Variants in NRG1 observed in about 807,000 individuals in gnomAD.
NRG1 encodes the protein pro-neuregulin-1, membrane-bound isoform.
In NRG1, 18 loss-of-function variants were observed where a neutral mutation model predicts 63.8. The ratio of observed to expected loss-of-function variants is 0.28; its 90% CI spans 0.19 to 0.42. The LOEUF is 0.42. Among genes scored for constraint, NRG1 ranks in the 10% least tolerant of loss-of-function variants. NRG1 has a pLI of 1.00. For synonymous variants in NRG1, 302 were observed against 301.3 expected (o/e 1.00, Z -0.02); for missense variants, 762 against 814.7 (o/e 0.94, Z 0.79).
At chr8:32,343,392 C>A (rs1804325809) in intron 1 of NRG1, among the ~76,000 whole-genome samples, 2 of 152,166 alleles carry the variant, frequency 1.3e-5, no homozygotes, top group Non-Finnish European at 2.9e-5. Context: ...TTTACACCTT[C>A]AAATTTATAA....
At chr8:31,734,952 A>T (rs1814507272) in intron 1 of NRG1, among the ~76,000 whole-genome samples, 1 of 152,096 alleles carries the variant, frequency 6.6e-6, no homozygotes. Context: ...GTCATCTGTG[A>T]TGCTGTCAGA....
At chr8:32,041,526 G>C (rs1820036002) in intron 1 of NRG1, among the ~76,000 whole-genome samples, 1 of 152,196 alleles carries the variant, frequency 6.6e-6, no homozygotes, top group East Asian at 1.9e-4. Context: ...GAGGAACCCA[G>C]CTTTGACTTG....
chr8:31,708,446 G>GT (rs771665636), intron 1 of NRG1, among the ~76,000 whole-genome samples: 33,880 of 85,332 alleles, frequency 0.4, 5,090 homozygotes, highest in East Asian at 0.66. Context: ...AAACATAATT[G>GT]TTTTTTTTTT....
In NRG1 at chr8:32,755,198, T is replaced by C. The variant is rs371435226; in HGVS notation, c.794+724T>C. On this transcript the variant is annotated intron_variant, in intron 8 of 11. Coordinates refer to ENST00000356819, the Ensembl canonical transcript of NRG1. ...GGGTTCCCTATGTTTGGTCTTGAAG[T>C]TTGGTCCGTATTAACAAATTCAATT... 3.3e-5 allele frequency among the ~76,000 whole-genome samples: 5 copies of C among 152,106 alleles called. No individual in the cohort carries two copies. In the East Asian group the frequency reaches 7.7e-4, roughly 23 times the overall value.
chr8:32,319,598 G>A (rs10156318), intron 1 of NRG1, among the ~76,000 whole-genome samples: 15,017 of 152,102 alleles, frequency 0.099, 787 homozygotes, highest in Middle Eastern at 0.14. Context: ...ATATGATCTC[G>A]TTCCCTATGC....
At chr8:31,873,160 G>T (rs1829633811) in intron 1 of NRG1, among the ~76,000 whole-genome samples, 1 of 152,148 alleles carries the variant, frequency 6.6e-6, no homozygotes, top group Admixed American at 6.5e-5. Flanking sequence ...ATAAGTTTTG[G>T]GAGTTGCAAG....
intron 1 of NRG1, among the ~76,000 whole-genome samples, chr8:32,146,968 A>T (rs1463720006): frequency 6.6e-6 from 1 of 152,210 alleles, no homozygotes; most frequent in Non-Finnish European, 1.5e-5. Context: ...TATTATCATG[A>T]GAATTTAATA....
At chr8:32,663,268 A>C (rs1467219736) in intron 5 of NRG1, among the ~76,000 whole-genome samples, 1 of 152,142 alleles carries the variant, frequency 6.6e-6, no homozygotes. Flanking sequence ...CTCATCTTAG[A>C]AATGTGCACT....
chr8:31,747,067 G>C (rs1210772127), intron 1 of NRG1, among the ~76,000 whole-genome samples: 1 of 151,744 alleles, frequency 6.6e-6, no homozygotes, highest in African/African-American at 2.4e-5. Context: ...GGTACAAAAA[G>C]GTAGTTAGAA....
At chr8:32,543,387 G>A (rs1228619129), upstream of NRG1, among the ~76,000 whole-genome samples, 1 of 152,184 alleles carries the variant, frequency 6.6e-6, no homozygotes, top group East Asian at 1.9e-4. Context: ...ATTGCCAGGG[G>A]ACTGAGGAGG....
chr8:32,772,301 A>G (rs948704709), downstream of NRG1, among the ~76,000 whole-genome samples: 4 of 151,674 alleles, frequency 2.6e-5, no homozygotes, highest in South Asian at 2.1e-4. Context: ...TTTGGATTCA[A>G]TCCCTTCAAA....
chr8:31,984,357 CTTAATGA>C (rs1272893258), intron 1 of NRG1, among the ~76,000 whole-genome samples: 64 of 152,184 alleles, frequency 4.2e-4, no homozygotes, highest in Non-Finnish European at 6.9e-4. Flanking sequence ...ACTTCTCCAT[CTTAATGA>C]TTGTGGATTT....
chr8:32,090,665 A>G (rs970506007), intron 1 of NRG1, among the ~76,000 whole-genome samples: 1 of 152,236 alleles, frequency 6.6e-6, no homozygotes, highest in Non-Finnish European at 1.5e-5. Context: ...CATCAGAGAC[A>G]TTAAAACTTC....
chr8:32,766,933 A>T (rs1831476409), exon 12 of NRG1: 1 of 152,152 alleles, frequency 6.6e-6, no homozygotes, highest in Non-Finnish European at 1.5e-5. Context: ...TGCAGTGGCG[A>T]TCGGAGTGTG....
intron 1 of NRG1, among the ~76,000 whole-genome samples, chr8:31,868,122 A>AAC (rs57466959): frequency 5.9e-4 from 78 of 133,224 alleles, no homozygotes; most frequent in Admixed American, 1.7e-3. Flanking sequence ...TACCATCCCA[A>AAC]ACACACACAC....
intron 1 of NRG1, among the ~76,000 whole-genome samples, chr8:32,447,676 A>G (rs571218162): frequency 2.6e-5 from 4 of 152,208 alleles, no homozygotes; most frequent in African/African-American, 9.6e-5. Context: ...TGAGACCAGC[A>G]TAGGCAACAT....
intron 1 of NRG1, among the ~76,000 whole-genome samples, chr8:32,556,525 A>G (rs1835201015): frequency 6.6e-6 from 1 of 152,212 alleles, no homozygotes; most frequent in African/African-American, 2.4e-5. Flanking sequence ...GAGATTACAG[A>G]GCAATGAGTA....
intron 1 of NRG1, among the ~76,000 whole-genome samples, chr8:31,703,319 C>T (rs534538678): frequency 6.6e-6 from 1 of 151,670 alleles, no homozygotes; most frequent in Admixed American, 6.6e-5. Context: ...TGGAAAGGAG[C>T]AGATGTTTAT....
chr8:32,168,037 T>C (rs1221614711), intron 1 of NRG1, among the ~76,000 whole-genome samples: 1 of 152,140 alleles, frequency 6.6e-6, no homozygotes, highest in Non-Finnish European at 1.5e-5. Flanking sequence ...GAAAAAAATA[T>C]AGCTCTCCCT....
Sources: allele counts gnomAD v4.1 joint callset (sites outside exome capture counted in the v4.1 genomes callset), GRCh38; gene constraint gnomAD v4.1.1; transcripts MANE v1.5; gene names NCBI Gene and HGNC (gene_info 2026-07-23, HGNC 2026-07-21).